EEFSEC: variants seen among roughly 807,000 people sequenced by gnomAD.
The protein encoded by EEFSEC is selenocysteine-specific elongation factor.
EEFSEC carries 43 observed loss-of-function variants against 42.1 expected under a neutral mutation model. That is an observed-to-expected ratio of 1.02 (90% CI 0.80 to 1.32). EEFSEC has a LOEUF of 1.32. Among genes scored for constraint, EEFSEC ranks in the 40% most tolerant of loss-of-function variants. The pLI is 0.00. For synonymous variants in EEFSEC, 354 were observed against 339.1 expected, an observed-to-expected ratio of 1.04 and a Z score of -0.48; for missense variants, 745 against 803.6, an observed-to-expected ratio of 0.93 and a Z score of 0.88.
intron 2 of EEFSEC, among the ~76,000 whole-genome samples, 186 bp from the exon 3 acceptor site, chr3:128,261,942 A>G (rs1164025024): frequency 6.6e-6 from 1 of 152,118 alleles, no homozygotes; most frequent in Non-Finnish European, 1.5e-5. Context: ...AGACGGGGAA[A>G]TTTGGGGCCT....
At chr3:128,171,159 C>G (rs1446976323) in intron 1 of EEFSEC, among the ~76,000 whole-genome samples, 1 of 152,186 alleles carries the variant, frequency 6.6e-6, no homozygotes, top group Non-Finnish European at 1.5e-5. Flanking sequence ...TCGGGATGAT[C>G]AATGTGTAGT....
chr3:128,388,768 A>G (rs1344034399), intron 6 of EEFSEC, among the ~76,000 whole-genome samples: 1 of 152,222 alleles, frequency 6.6e-6, no homozygotes, highest in Admixed American at 6.5e-5. Flanking sequence ...CTAGCCCCTG[A>G]GCCCTTGCAG....
chr3:128,309,199 G>T (rs1176380702), intron 4 of EEFSEC, among the ~76,000 whole-genome samples: 1 of 152,190 alleles, frequency 6.6e-6, no homozygotes, highest in African/African-American at 2.4e-5. Context: ...ATTCCGGTGG[G>T]TGGCTGTGGA....
intron 1 of EEFSEC, among the ~76,000 whole-genome samples, chr3:128,199,656 G>A (rs181820625): frequency 5.3e-5 from 8 of 152,314 alleles, no homozygotes; most frequent in Non-Finnish European, 8.8e-5. Flanking sequence ...ATTGGAAATT[G>A]TTGGGGCAGT....
At chr3:128,276,381 G>C (rs989056575) in intron 4 of EEFSEC, among the ~76,000 whole-genome samples, 6 of 152,174 alleles carry the variant, frequency 3.9e-5, no homozygotes, top group Non-Finnish European at 7.3e-5. Flanking sequence ...GCAGTTTGAG[G>C]AAACCATGGG....
At chr3:128,241,422 G>A (rs1210070240) in intron 1 of EEFSEC, among the ~76,000 whole-genome samples, 1 of 152,052 alleles carries the variant, frequency 6.6e-6, no homozygotes, top group Non-Finnish European at 1.5e-5. Context: ...GTTGCCCCAT[G>A]CTGGTCTCAA....
intron 1 of EEFSEC, among the ~76,000 whole-genome samples, chr3:128,216,987 T>C (rs1404232048): frequency 6.6e-6 from 1 of 152,238 alleles, no homozygotes; most frequent in South Asian, 2.1e-4. Context: ...AGTATTCATA[T>C]GTTAGTATTA....
intron 4 of EEFSEC, among the ~76,000 whole-genome samples, chr3:128,285,007 T>G: frequency 6.7e-6 from 1 of 148,870 alleles, no homozygotes; most frequent in African/African-American, 2.5e-5. Flanking sequence ...CAGGTGGGAG[T>G]CTGGTTGGAG....
intron 4 of EEFSEC, among the ~76,000 whole-genome samples, chr3:128,330,071 CAA>C (rs1233892154): frequency 6.6e-6 from 1 of 152,190 alleles, no homozygotes; most frequent in East Asian, 1.9e-4. Flanking sequence ...TCATTAAAAA[CAA>C]AGTCCCAGTT....
chr3:128,198,252 G>A (rs1188511472), intron 1 of EEFSEC, among the ~76,000 whole-genome samples: 1 of 152,194 alleles, frequency 6.6e-6, no homozygotes, highest in Non-Finnish European at 1.5e-5. Context: ...GAGTGCCTCC[G>A]TTCCATTCTC....
At chr3:128,186,046 C>T (rs2065461612) in intron 1 of EEFSEC, among the ~76,000 whole-genome samples, 1 of 152,162 alleles carries the variant, frequency 6.6e-6, no homozygotes, top group African/African-American at 2.4e-5. Context: ...CCATTTTTCA[C>T]TCTCACAGCA....
At chr3:128,247,866 CT>C (rs2066143943) in intron 2 of EEFSEC, among the ~76,000 whole-genome samples, 1 of 152,068 alleles carries the variant, frequency 6.6e-6, no homozygotes, top group Non-Finnish European at 1.5e-5. Context: ...AGGTGTTGCT[CT>C]GAGTTGAGGC....
intron 1 of EEFSEC, among the ~76,000 whole-genome samples, chr3:128,238,520 T>G (rs1576571481): frequency 1.3e-5 from 2 of 152,154 alleles, no homozygotes; most frequent in Non-Finnish European, 2.9e-5. Context: ...CGGGGTTTTT[T>G]GGGGTTTTCT....
At chr3:128,186,566 A>G (rs941984682) in intron 1 of EEFSEC, among the ~76,000 whole-genome samples, 2 of 152,176 alleles carry the variant, frequency 1.3e-5, no homozygotes, top group Non-Finnish European at 2.9e-5. Context: ...CTTCCATTTA[A>G]GTCTTTCATC....
chr3:128,196,773 C>T (rs2065589108), intron 1 of EEFSEC, among the ~76,000 whole-genome samples: 4 of 152,210 alleles, frequency 2.6e-5, no homozygotes, highest in Admixed American at 1.3e-4. Context: ...GCCTCTGGAA[C>T]CTCAGTCTCC....
At chr3:128,367,524 A>G (rs1319489578) in intron 6 of EEFSEC, among the ~76,000 whole-genome samples, 1 of 152,154 alleles carries the variant, frequency 6.6e-6, no homozygotes, top group Non-Finnish European at 1.5e-5. Flanking sequence ...TCCGCATCGA[A>G]CCAGCCACCT....
At chr3:128,198,975 G>A (rs1196996067) in intron 1 of EEFSEC, among the ~76,000 whole-genome samples, 1 of 152,052 alleles carries the variant, frequency 6.6e-6, no homozygotes, top group Non-Finnish European at 1.5e-5. Context: ...GGGACTATAG[G>A]CATGCGCCAC....
intron 6 of EEFSEC, among the ~76,000 whole-genome samples, chr3:128,366,301 C>T (rs1489152130): frequency 6.6e-6 from 1 of 152,258 alleles, no homozygotes; most frequent in Non-Finnish European, 1.5e-5. Flanking sequence ...TGACTTGTAG[C>T]ATGAGGGCCT....
At chr3:128,278,840 C>G (rs1251019620) in intron 4 of EEFSEC, among the ~76,000 whole-genome samples, 1 of 152,170 alleles carries the variant, frequency 6.6e-6, no homozygotes, top group Non-Finnish European at 1.5e-5. Context: ...GGTGCTAGTG[C>G]CAGTCTGCAA....
Sources: gnomAD v4.1 joint callset for allele counts (sites outside exome capture counted in the v4.1 genomes callset) on GRCh38, gnomAD v4.1.1 for gene constraint, MANE v1.5 for transcripts, NCBI Gene and HGNC (gene_info 2026-07-23, HGNC 2026-07-21) for gene names.